Variants in TRAPPC6B observed in about 807,000 individuals in gnomAD.
TRAPPC6B encodes TRAPP complex subunit 6B.
In TRAPPC6B, 27 loss-of-function variants were observed where a neutral mutation model predicts 24.7. The ratio of observed to expected loss-of-function variants is 1.09; its 90% CI spans 0.81 to 1.51. TRAPPC6B has a LOEUF of 1.51. TRAPPC6B is among the 40% of genes most tolerant of loss of function. The pLI is 0.00. For synonymous variants in TRAPPC6B, 80 were observed against 66.6 expected (o/e 1.20, Z -0.98); for missense variants, 212 against 190.8 (o/e 1.11, Z -0.66).
At chr14:39,150,608 T>G (rs59671146) in intron 5 of TRAPPC6B, among the ~76,000 whole-genome samples, 4,550 of 152,156 alleles carry the variant, frequency 0.03, 228 homozygotes, top group African/African-American at 0.1. Context: ...GCACGATCTC[T>G]GCTCACTGCA....
At chr14:39,167,843 G>A (rs1048270954) in intron 1 of TRAPPC6B, among the ~76,000 whole-genome samples, 1 of 150,438 alleles carries the variant, frequency 6.6e-6, no homozygotes, top group Admixed American at 6.7e-5. Flanking sequence ...GAACAGCTCT[G>A]TTCATTTTAT....
intron 1 of TRAPPC6B, among the ~76,000 whole-genome samples, chr14:39,162,618 T>C (rs1389400251): frequency 1.3e-5 from 2 of 152,234 alleles, no homozygotes; most frequent in South Asian, 2.1e-4. Flanking sequence ...CCCTGAGTCA[T>C]TTGCTTTCTG....
At chr14:39,168,925 AT>A (rs2053136201) in intron 1 of TRAPPC6B, among the ~76,000 whole-genome samples, 1 of 152,216 alleles carries the variant, frequency 6.6e-6, no homozygotes, top group Non-Finnish European at 1.5e-5. Context: ...TTCCTTAAAA[AT>A]ATTCCCTCGA....
At chr14:39,164,274 T>C (rs1193770724) in intron 1 of TRAPPC6B, among the ~76,000 whole-genome samples, 1 of 152,136 alleles carries the variant, frequency 6.6e-6, no homozygotes, top group Non-Finnish European at 1.5e-5. Flanking sequence ...GCGGATTACC[T>C]GAGGTCAGGA....
At chr14:39,150,458 T>A in intron 5 of TRAPPC6B, 77 bp from the exon 6 acceptor site, 1 of 1,076,706 alleles carries the variant, frequency 9.3e-7, no homozygotes, top group South Asian at 1.4e-5. Flanking sequence ...TTCTGTTCCA[T>A]ATAGGAAATA....
intron 1 of TRAPPC6B, among the ~76,000 whole-genome samples, chr14:39,164,318 C>T (rs2053086942): frequency 6.6e-6 from 1 of 152,078 alleles, no homozygotes; most frequent in South Asian, 2.1e-4. Flanking sequence ...CGGAAAAACC[C>T]CATCTCTACT....
chr14:39,167,538 A>G (rs1223602889), intron 1 of TRAPPC6B, among the ~76,000 whole-genome samples: 1 of 152,180 alleles, frequency 6.6e-6, no homozygotes, highest in Admixed American at 6.5e-5. Flanking sequence ...CCTCTGGATG[A>G]CAGGATTATG....
In TRAPPC6B at chr14:39,154,282, G is replaced by A. The variant is rs1409405340; in HGVS notation, c.280C>T (p.Leu94Phe). The change falls in exon 4 of 6, where the codon CTT becomes TTT. Residue 94 changes from leucine to phenylalanine, a missense_variant. Coordinates refer to ENST00000330149, the MANE Select transcript of TRAPPC6B (RefSeq NM_001079537.2). ...LRTNHQGIYV[L>F]QDNKFRLLTQ... ...AGCAGGCGAAATTTGTTGTCCTGAA[G>A]TACATAGATGCCCTGTTCCAAAAAT... is the stretch of plus-strand genomic sequence containing the variant. The A allele has an allele frequency of 3.7e-6, 6 of 1,611,270 alleles. No homozygotes were observed. In the East Asian group the frequency reaches 8.9e-5, roughly 24 times the overall value.
chr14:39,157,312 C>G (rs2052994263), intron 3 of TRAPPC6B: 2 of 372,148 alleles, frequency 5.4e-6, no homozygotes, highest in Non-Finnish European at 1.0e-5. Context: ...CCAGTTCACC[C>G]AGGCCCTGCA....
rs2052891385 is a variant in TRAPPC6B at position 39,149,621 on chromosome 14, C to G, written c.*729G>C. On this transcript the variant is annotated 3_prime_UTR_variant, in exon 6 of 6. Coordinates refer to ENST00000330149, the MANE Select transcript of TRAPPC6B (RefSeq NM_001079537.2). ...GATGTTAGATCCTTTACCAGGACTT[C>G]CATGCACGGGGAGAGAAGTTGAAAG... The G allele has an allele frequency of 6.6e-6, 1 of 152,156 alleles. No individual in the cohort carries two copies. Among genetic ancestry groups the G allele is most frequent in the South Asian group, 2.1e-4 (1 of 4,830 alleles). 9.4% of individuals were successfully genotyped at this position (152,156 alleles called of 1,614,324 possible).
Position 39,170,125 on chromosome 14 carries a change from T to C in TRAPPC6B, c.-30A>G, listed in dbSNP as rs774649277. Reference sequence around the variant, plus strand: ...TGCTAATTCTTCCAAGCTTCGAGTTTTGGCTCCCGTTTGAGCTGGTCTGGG... The same window carrying C: ...TGCTAATTCTTCCAAGCTTCGAGTTCTGGCTCCCGTTTGAGCTGGTCTGGG... On this transcript the variant is annotated 5_prime_UTR_variant, in exon 1 of 6. Coordinates refer to ENST00000330149, the MANE Select transcript of TRAPPC6B (RefSeq NM_001079537.2). The C allele has an allele frequency of 1.2e-6, 2 of 1,612,824 alleles. No individual in the cohort carries two copies. Among genetic ancestry groups the C allele is most frequent in the Non-Finnish European group, 1.7e-6 (2 of 1,179,034 alleles).
At chr14:39,164,180 A>G (rs1055570368) in intron 1 of TRAPPC6B, among the ~76,000 whole-genome samples, 12 of 152,132 alleles carry the variant, frequency 7.9e-5, no homozygotes, top group African/African-American at 1.4e-4. Context: ...AACTTCTACT[A>G]AAGTAAATTT....
chr14:39,152,023 T>C (rs2052921532), intron 4 of TRAPPC6B, among the ~76,000 whole-genome samples, 184 bp from the exon 5 acceptor site: 1 of 152,198 alleles, frequency 6.6e-6, no homozygotes. Context: ...AACTAAAGCA[T>C]GGACGTAGGA....
chr14:39,158,716 C>A, intron 2 of TRAPPC6B: 1 of 186,838 alleles, frequency 5.4e-6, no homozygotes. Context: ...AGACAGGGTT[C>A]CACTTTGTTA....
chr14:39,159,503 C>G lies in TRAPPC6B; in HGVS notation c.129G>C (p.Val43=). Residue 43 remains valine (V), a synonymous_variant, in exon 2 of 6, where the codon GTG becomes GTC. Coordinates refer to ENST00000330149, the MANE Select transcript of TRAPPC6B (RefSeq NM_001079537.2). ...ITKLENMGFR[V]GQGLIERFTK... ...CTCACCTTTCTATCAATCCTTGTCC[C>G]ACTCGAAACCCCATGTTTTCCAGCT... is the stretch of plus-strand genomic sequence containing the variant. The G allele has an allele frequency of 1.2e-6, 2 of 1,605,008 alleles. No homozygotes were observed. Among genetic ancestry groups the G allele is most frequent in the South Asian group, 1.1e-5 (1 of 89,700 alleles).
At chr14:39,158,560 C>T in intron 2 of TRAPPC6B, 158 bp from the exon 3 acceptor site, 1 of 555,572 alleles carries the variant, frequency 1.8e-6, no homozygotes, top group Non-Finnish European at 3.1e-6. Flanking sequence ...CTCTGTCGCC[C>T]AGGTTAGAGT....
intron 1 of TRAPPC6B, among the ~76,000 whole-genome samples, chr14:39,165,248 T>C (rs890121945): frequency 5.9e-5 from 9 of 152,274 alleles, no homozygotes; most frequent in African/African-American, 1.4e-4. Context: ...GGTTTCACCA[T>C]GTTAGCCAGG....
chr14:39,156,903 G>A (rs2052985303), intron 3 of TRAPPC6B: 1 of 153,644 alleles, frequency 6.5e-6, no homozygotes, highest in South Asian at 2.0e-4. Context: ...TTGAGGTCAG[G>A]AGTTCGAGAC....
chr14:39,155,323 C>T (rs2052963302), intron 3 of TRAPPC6B, among the ~76,000 whole-genome samples: 1 of 152,082 alleles, frequency 6.6e-6, no homozygotes, highest in South Asian at 2.1e-4. Flanking sequence ...CTCACCACAA[C>T]CTCCGCCTCC....
Sources: allele counts gnomAD v4.1 joint callset (sites outside exome capture counted in the v4.1 genomes callset), GRCh38; gene constraint gnomAD v4.1.1; transcripts MANE v1.5; gene names NCBI Gene and HGNC (gene_info 2026-07-23, HGNC 2026-07-21).